The following LRRC4C variants were observed in gnomAD, a reference collection of about 807,000 sequenced individuals.
LRRC4C encodes the protein leucine rich repeat containing 4C.
A neutral mutation model predicts 33.6 loss-of-function variants in LRRC4C; 5 were observed. The ratio of observed to expected loss-of-function variants is 0.15; its 90% CI spans 0.08 to 0.31. The LOEUF (loss-of-function observed/expected upper bound fraction) is 0.31. Ranked by LOEUF, LRRC4C falls within the 10% of genes least tolerant of loss-of-function variation. The pLI is 1.00. For missense variants in LRRC4C, 560 were observed against 796.7 expected (o/e 0.70, Z 3.58); for synonymous variants, 329 against 302.0 (o/e 1.09, Z -0.93).
chr11:40,573,305 A>G lies in LRRC4C; in HGVS notation c.-270+74837T>C, dbSNP rs1186477655. Among the ~76,000 whole-genome samples the G allele has an allele frequency of 2.0e-5, 3 of 152,174 alleles. No individual in the cohort carries two copies. In the East Asian group the frequency reaches 5.8e-4, roughly 29 times the overall value. On this transcript the variant is annotated intron_variant, in intron 3 of 6. Coordinates refer to ENST00000528697, the MANE Select transcript of LRRC4C (RefSeq NM_001258419.2). ...TTTCTGGTGTTTTCTTTATTATGAC[A>G]ATATTTTAAAAATCGTCTCTATCTT...
At chr11:41,096,338 G>A (rs1940809654) in intron 1 of LRRC4C, among the ~76,000 whole-genome samples, 1 of 151,912 alleles carries the variant, frequency 6.6e-6, no homozygotes, top group African/African-American at 2.4e-5. Context: ...TCTTTTGTAA[G>A]GGAAAAAAAT....
intron 3 of LRRC4C, among the ~76,000 whole-genome samples, chr11:40,635,566 G>A (rs1963872747): frequency 6.6e-6 from 1 of 150,480 alleles, no homozygotes; most frequent in African/African-American, 2.4e-5. Flanking sequence ...ATCAGTAGGG[G>A]AAAATCAGAA....
intron 3 of LRRC4C, among the ~76,000 whole-genome samples, chr11:40,334,273 A>C (rs1007171124): frequency 6.6e-6 from 1 of 152,162 alleles, no homozygotes; most frequent in African/African-American, 2.4e-5. Context: ...CTTAGCAAGG[A>C]CACAGTTGAA....
chr11:40,759,087 AT>A (rs1487295828), intron 2 of LRRC4C, among the ~76,000 whole-genome samples: 1 of 147,470 alleles, frequency 6.8e-6, no homozygotes, highest in Non-Finnish European at 1.5e-5. Flanking sequence ...TACATATATT[AT>A]TATATATATA....
At chr11:40,626,262 C>G (rs1962916928) in intron 3 of LRRC4C, among the ~76,000 whole-genome samples, 1 of 152,088 alleles carries the variant, frequency 6.6e-6, no homozygotes, top group Admixed American at 6.5e-5. Context: ...TTTCCTTACT[C>G]AAATCCATCT....
intron 4 of LRRC4C, among the ~76,000 whole-genome samples, chr11:40,315,508 AG>A (rs1279047484): frequency 6.6e-6 from 1 of 151,952 alleles, no homozygotes; most frequent in Non-Finnish European, 1.5e-5. Flanking sequence ...TCTTATAATC[AG>A]AAATTTAAAA....
At chr11:41,032,344 T>C (rs1856775622) in intron 1 of LRRC4C, among the ~76,000 whole-genome samples, 1 of 152,056 alleles carries the variant, frequency 6.6e-6, no homozygotes, top group African/African-American at 2.4e-5. Context: ...ATTATGCAAT[T>C]AACACTCATC....
At chr11:41,306,037 A>AG (rs35648813) in intron 1 of LRRC4C, among the ~76,000 whole-genome samples, 55,734 of 144,774 alleles carry the variant, frequency 0.38, 11,884 homozygotes, top group Non-Finnish European at 0.48. Context: ...AAAAAAAAAA[A>AG]AAAGAAAGAA....
chr11:41,174,552 T>A (rs1308232031), intron 1 of LRRC4C, among the ~76,000 whole-genome samples: 2 of 151,584 alleles, frequency 1.3e-5, no homozygotes, highest in African/African-American at 2.4e-5. Flanking sequence ...TCTGCCTGGA[T>A]TTTTTTTTAA....
At chr11:40,180,351 G>A (rs1860881405) in intron 5 of LRRC4C, among the ~76,000 whole-genome samples, 1 of 152,198 alleles carries the variant, frequency 6.6e-6, no homozygotes, top group Non-Finnish European at 1.5e-5. Context: ...ATGGTGATGA[G>A]TTCAGCAATT....
intron 3 of LRRC4C, among the ~76,000 whole-genome samples, chr11:40,398,800 A>C (rs1949644785): frequency 6.6e-6 from 1 of 152,076 alleles, no homozygotes; most frequent in Admixed American, 6.6e-5. Context: ...AACAAAAAGA[A>C]AGGGAATTTT....
chr11:40,176,907 T>TTCTA (rs1860539445), intron 5 of LRRC4C, among the ~76,000 whole-genome samples: 1 of 151,048 alleles, frequency 6.6e-6, no homozygotes, highest in Non-Finnish European at 1.5e-5. Context: ...ATCTCCCAGT[T>TTCTA]TCTACTTTTG....
intron 1 of LRRC4C, among the ~76,000 whole-genome samples, chr11:41,275,193 T>C (rs1424561550): frequency 1.3e-5 from 2 of 152,158 alleles, no homozygotes; most frequent in East Asian, 1.9e-4. Context: ...GCCATGCCTG[T>C]GAAGCCTACA....
Position 40,983,279 on chromosome 11 carries a change from C to T in LRRC4C, c.-495-49556G>A, listed in dbSNP as rs142436107. ...CACAATGGTTGAACTAATTTACGCA[C>T]GACACAAACCAGCAGTGTATAAGCA... On this transcript the variant is annotated intron_variant, in intron 1 of 6. Transcript: ENST00000528697. Among the ~76,000 whole-genome samples, 1,375 of 152,188 alleles carry T rather than the reference C, an allele frequency of 9.0e-3. 11 individuals are homozygous for T. Among genetic ancestry groups the T allele is most frequent in the Non-Finnish European group, 0.013 (856 of 67,984 alleles).
chr11:40,322,671 T>C lies in LRRC4C; in HGVS notation c.-269-2950A>G, dbSNP rs562897994. On this transcript the variant is annotated intron_variant, in intron 3 of 6. Transcript: ENST00000528697. The stretch of plus-strand genomic sequence containing the variant: ...GGTCAGCAGCATCACTTCCTGTTTG[T>C]AGATCTTTAGAAAAGTGGCTTCATC... 1.1e-4 allele frequency among the ~76,000 whole-genome samples: 17 copies of C among 152,318 alleles called. No individual in the cohort carries two copies. The South Asian group carries it at 3.3e-3, about 30-fold the overall frequency.
chr11:41,368,715 A>G (rs1421448705), intron 1 of LRRC4C, among the ~76,000 whole-genome samples: 1 of 152,212 alleles, frequency 6.6e-6, no homozygotes, highest in African/African-American at 2.4e-5. Context: ...TGTATGGAGC[A>G]AAAAAGAGGA....
chr11:41,289,328 G>A (rs1162683358), intron 1 of LRRC4C, among the ~76,000 whole-genome samples: 1 of 152,066 alleles, frequency 6.6e-6, no homozygotes, highest in Non-Finnish European at 1.5e-5. Flanking sequence ...ACCTATCACA[G>A]GAGTTTAAGA....
At chr11:41,164,906 G>A (rs776464615) in intron 1 of LRRC4C, among the ~76,000 whole-genome samples, 18 of 152,082 alleles carry the variant, frequency 1.2e-4, no homozygotes, top group African/African-American at 2.9e-4. Context: ...TCCAGGGCTC[G>A]TGGCTCTGGA....
At chr11:40,146,299 C>A (rs1463048621) in intron 5 of LRRC4C, among the ~76,000 whole-genome samples, 1 of 152,146 alleles carries the variant, frequency 6.6e-6, no homozygotes, top group Non-Finnish European at 1.5e-5. Context: ...CCCACAGACA[C>A]AAACACACTA....
Sources: gnomAD v4.1 joint callset for allele counts (sites outside exome capture counted in the v4.1 genomes callset) on GRCh38, gnomAD v4.1.1 for gene constraint, MANE v1.5 for transcripts, NCBI Gene and HGNC (gene_info 2026-07-23, HGNC 2026-07-21) for gene names.